EEF1AKMT2: variants seen among roughly 807,000 people sequenced by gnomAD.
EEF1AKMT2 encodes eukaryotic translation elongation factor 1 alpha lysine methyltransferase 2.
A neutral mutation model predicts 35.8 loss-of-function variants in EEF1AKMT2; 32 were observed. The ratio of observed to expected loss-of-function variants is 0.89; its 90% CI spans 0.67 to 1.20. The LOEUF (loss-of-function observed/expected upper bound fraction) is 1.20, where lower values mean the gene tolerates loss of function less well. EEF1AKMT2 is among the 50% of genes most tolerant of loss of function. The probability of loss-of-function intolerance (pLI) is 0.00; values close to 1 mark genes in which losing one functional copy is unlikely to be tolerated. For missense variants in EEF1AKMT2, 330 were observed against 347.5 expected (o/e 0.95, Z 0.40); for synonymous variants, 121 against 133.7 (o/e 0.91, Z 0.65).
intron 5 of EEF1AKMT2, 22 bp from the exon 6 acceptor site, chr10:124,762,580 A>G: frequency 9.0e-7 from 1 of 1,113,782 alleles, no homozygotes; most frequent in South Asian, 2.1e-5. Flanking sequence ...AGAGAGAGAC[A>G]GACCGTTTCA....
At chr10:124,764,896 AC>A (rs1303001331) in intron 5 of EEF1AKMT2, among the ~76,000 whole-genome samples, 1 of 152,166 alleles carries the variant, frequency 6.6e-6, no homozygotes, top group Non-Finnish European at 1.5e-5. Flanking sequence ...CAAATAGAGA[AC>A]TTAAGTTTTT....
chr10:124,773,038 G>A (rs1950451657), intron 4 of EEF1AKMT2, among the ~76,000 whole-genome samples: 1 of 152,132 alleles, frequency 6.6e-6, no homozygotes, highest in Non-Finnish European at 1.5e-5. Context: ...TGTCACAAGA[G>A]GCCTAGCTTT....
intron 3 of EEF1AKMT2, among the ~76,000 whole-genome samples, chr10:124,784,730 A>C (rs983756991): frequency 6.6e-6 from 1 of 152,152 alleles, no homozygotes; most frequent in Non-Finnish European, 1.5e-5. Context: ...CAGGAGTTTA[A>C]GACCAGCCTG....
chr10:124,788,710 T>TTATATATATATATGTATATATATA (rs1554920487), intron 3 of EEF1AKMT2, among the ~76,000 whole-genome samples: 1 of 92,506 alleles, frequency 1.1e-5, no homozygotes, highest in African/African-American at 3.4e-5. Flanking sequence ...AAGGTCATCT[T>TTATATATATATATGTATATATATA]TATATATATA....
In EEF1AKMT2 at chr10:124,791,644, G is replaced by A. The variant is rs565814184; in HGVS notation, c.110+80C>T. ...AGGGTCTCCCTGTCCCTGAGCCCCG[G>A]GTCTCCACCCCGCCGTCCCCTTCTC... On this transcript the variant is annotated intron_variant, in intron 1 of 6. Coordinates refer to ENST00000368836, the MANE Select transcript of EEF1AKMT2 (RefSeq NM_212554.4). 50 of 1,529,502 alleles carry A rather than the reference G, an allele frequency of 3.3e-5. 1 individual carries two copies. The South Asian group carries it at 4.9e-4, about 15-fold the overall frequency. The allele number at this position is 1,529,502 out of a possible 1,614,324, so 94.7% of individuals were successfully genotyped here. A position where few individuals can be genotyped will look rare whatever the true frequency, so the allele number is the denominator to read the frequency against.
chr10:124,788,860 T>G (rs1046680699), intron 3 of EEF1AKMT2, among the ~76,000 whole-genome samples, 183 bp downstream of exon 3: 2 of 151,874 alleles, frequency 1.3e-5, no homozygotes, highest in African/African-American at 4.8e-5. Context: ...GAGTCAAGAC[T>G]AGGACTCAGA....
At chr10:124,762,700 AT>A (rs1434137954) in intron 5 of EEF1AKMT2, 142 bp from the exon 6 acceptor site, 2 of 383,916 alleles carry the variant, frequency 5.2e-6, no homozygotes, top group African/African-American at 4.3e-5. Context: ...ACCGAATATT[AT>A]AATGCTTATT....
At chr10:124,778,068 G>A (rs369362357) in intron 3 of EEF1AKMT2, among the ~76,000 whole-genome samples, 10 of 152,006 alleles carry the variant, frequency 6.6e-5, no homozygotes, top group African/African-American at 2.4e-4. Flanking sequence ...GCGGGTGCCT[G>A]TAATCCCAGC....
downstream of EEF1AKMT2, among the ~76,000 whole-genome samples, chr10:124,757,205 A>T (rs1005956137): frequency 8.0e-6 from 1 of 124,664 alleles, no homozygotes; most frequent in Non-Finnish European, 1.7e-5. Context: ...CACACACGAC[A>T]TTAGCTAAAG....
At chr10:124,763,041 T>G (rs1029767258) in intron 5 of EEF1AKMT2, among the ~76,000 whole-genome samples, 1 of 152,226 alleles carries the variant, frequency 6.6e-6, no homozygotes, top group Non-Finnish European at 1.5e-5. Flanking sequence ...TTTTAATCTG[T>G]ATGCTTATGT....
downstream of EEF1AKMT2, chr10:124,757,826 A>AT (rs1950298102): frequency 6.6e-6 from 1 of 152,172 alleles, no homozygotes; most frequent in South Asian, 2.1e-4. Flanking sequence ...TTCAAGGACA[A>AT]TTTGTACTTA....
chr10:124,785,246 C>CAAAAAAAAA (rs35915292), intron 3 of EEF1AKMT2, among the ~76,000 whole-genome samples: 6 of 61,400 alleles, frequency 9.8e-5, no homozygotes, highest in Admixed American at 2.3e-4. Flanking sequence ...GACTCCGTCT[C>CAAAAAAAAA]AAAAAAAAAA....
chr10:124,766,274 A>G (rs2134122460), intron 4 of EEF1AKMT2: 1 of 151,492 alleles, frequency 6.6e-6, no homozygotes, highest in African/African-American at 2.4e-5. Flanking sequence ...CTCTATTATC[A>G]CTGCTTCACT....
chr10:124,771,864 G>A lies in EEF1AKMT2; in HGVS notation c.399+2811C>T, dbSNP rs539172476. ...AGCCTGGGTGATAGAACAAGACTCC[G>A]TCTCAAAAAAAAACAAGATTAATCT... On this transcript the variant is annotated intron_variant, in intron 4 of 6. Transcript: ENST00000368836. 2.1e-4 allele frequency among the ~76,000 whole-genome samples: 32 copies of A among 151,830 alleles called. 1 individual carries two copies. Among genetic ancestry groups the A allele is most frequent in the African/African-American group, 6.0e-4 (25 of 41,438 alleles).
Position 124,789,037 on chromosome 10 carries a change from A to G in EEF1AKMT2, c.291+6T>C. The G allele has an allele frequency of 1.9e-6, 3 of 1,602,716 alleles. No homozygotes were observed. Among genetic ancestry groups the G allele is most frequent in the Non-Finnish European group, 2.6e-6 (3 of 1,172,792 alleles). On this transcript the variant is annotated splice_donor_region_variant and intron_variant, in intron 3 of 6. Transcript: ENST00000368836. ...TCTTTAACAAACAAATACTAAAAGT[A>G]CCAACAAGTTCAACCAGGAAAACAC...
rs140556316 is a variant in EEF1AKMT2 at position 124,758,665 on chromosome 10, A to G, written c.*1838T>C. The G allele has an allele frequency of 1.3e-5, 2 of 152,302 alleles. No individual in the cohort carries two copies. The highest frequency in any genetic ancestry group is 3.9e-4 in the East Asian group (2 of 5,188). The allele number at this position is 152,302 out of a possible 1,614,324, so 9.4% of individuals were successfully genotyped here. A position where few individuals can be genotyped will look rare whatever the true frequency, so the allele number is the denominator to read the frequency against. ...CACAGAAAGCCTAGTTTGTAGGATT[A>G]GCACATTAAAATAGCATATACTTAA... On this transcript the variant is annotated 3_prime_UTR_variant, in exon 7 of 7. Transcript: ENST00000368836.
At chr10:124,766,296 T>G (rs1459988591) in intron 4 of EEF1AKMT2, 1 of 144,986 alleles carries the variant, frequency 6.9e-6, no homozygotes, top group East Asian at 2.0e-4. Flanking sequence ...GACCAGCCTT[T>G]AAAAAAAAAA....
chr10:124,791,010 G>T (rs1950629559), intron 1 of EEF1AKMT2, among the ~76,000 whole-genome samples: 1 of 152,118 alleles, frequency 6.6e-6, no homozygotes, highest in African/African-American at 2.4e-5. Context: ...TGCTCCGCCC[G>T]CCTCGGCCTC....
At chr10:124,772,420 C>CTTTTTTTTTTT (rs59707540) in intron 4 of EEF1AKMT2, among the ~76,000 whole-genome samples, 49 of 75,404 alleles carry the variant, frequency 6.5e-4, no homozygotes, top group Middle Eastern at 0.014. Context: ...TTTTCTTTTT[C>CTTTTTTTTTTT]TTTTTTTTTT....
Sources: gnomAD v4.1 joint callset for allele counts (sites outside exome capture counted in the v4.1 genomes callset) on GRCh38, gnomAD v4.1.1 for gene constraint, MANE v1.5 for transcripts, NCBI Gene and HGNC (gene_info 2026-07-23, HGNC 2026-07-21) for gene names.